Variants in TERF1 observed in about 807,000 individuals in gnomAD.
TERF1 encodes telomeric repeat binding factor 1.
A neutral mutation model predicts 55.1 loss-of-function variants in TERF1; 20 were observed. That is an observed-to-expected ratio of 0.36 (90% CI 0.26 to 0.53). The LOEUF (loss-of-function observed/expected upper bound fraction) is 0.53. Ranked by LOEUF, TERF1 falls within the 20% of genes least tolerant of loss-of-function variation. The pLI, the probability that TERF1 is intolerant of heterozygous loss-of-function variation, is 0.91. For missense variants in TERF1, 439 were observed against 535.7 expected (o/e 0.82, Z 1.78); for synonymous variants, 168 against 181.2 (o/e 0.93, Z 0.59).
At chr8:73,016,074 C>T (rs1808489003) in intron 2 of TERF1, among the ~76,000 whole-genome samples, 1 of 152,144 alleles carries the variant, frequency 6.6e-6, no homozygotes, top group African/African-American at 2.4e-5. Context: ...GCTATGATCA[C>T]ACCACTGCAC....
At chr8:73,043,716 AC>A (rs138756930) in intron 9 of TERF1, among the ~76,000 whole-genome samples, 7,717 of 152,154 alleles carry the variant, frequency 0.051, 593 homozygotes, top group African/African-American at 0.17. Flanking sequence ...GATTCAGAAA[AC>A]ATTGGTCATT....
rs948213073 is a variant in TERF1 at position 73,029,346 on chromosome 8, C to G, written c.888-990C>G. On this transcript the variant is annotated intron_variant, in intron 6 of 9. Transcript: ENST00000276603. ...TGTCTTACAAAAATGGTGTAATAGC[C>G]AGGAACAGTGGCTCACACCTGTAAT... 5.1e-4 allele frequency among the ~76,000 whole-genome samples: 78 copies of G among 152,094 alleles called. 1 individual carries two copies. The highest frequency in any genetic ancestry group is 2.1e-4 in the Non-Finnish European group (14 of 68,036).
At chr8:73,010,487 T>C (rs1808238037) in intron 1 of TERF1, 1 of 152,236 alleles carries the variant, frequency 6.6e-6, no homozygotes, top group Non-Finnish European at 1.5e-5. Context: ...TGCATATGCA[T>C]GTGTAGACAT....
intron 9 of TERF1, among the ~76,000 whole-genome samples, chr8:73,044,824 C>G (rs1182567346): frequency 4.6e-5 from 7 of 152,062 alleles, no homozygotes; most frequent in Non-Finnish European, 7.4e-5. Context: ...AACCTAATGT[C>G]CTCAAGGTTT....
At chr8:73,019,538 C>A (rs1197869362) in intron 2 of TERF1, among the ~76,000 whole-genome samples, 2 of 152,170 alleles carry the variant, frequency 1.3e-5, no homozygotes, top group African/African-American at 4.8e-5. Flanking sequence ...ACCGACCTTC[C>A]TCCTGCCCTT....
At chr8:73,045,775 A>G (rs1005902616) in intron 9 of TERF1, among the ~76,000 whole-genome samples, 186 bp from the exon 10 acceptor site, 6 of 152,240 alleles carry the variant, frequency 3.9e-5, no homozygotes, top group Non-Finnish European at 2.9e-5. Context: ...GAACAGTAAT[A>G]ATAATGACCC....
At chr8:73,033,153 G>A (rs1201777966) in intron 8 of TERF1, among the ~76,000 whole-genome samples, 1 of 151,914 alleles carries the variant, frequency 6.6e-6, no homozygotes, top group Non-Finnish European at 1.5e-5. Flanking sequence ...TAGGCCTGCA[G>A]TAAATATTAT....
intron 2 of TERF1, among the ~76,000 whole-genome samples, chr8:73,014,333 C>T (rs1456580666): frequency 6.6e-6 from 1 of 151,800 alleles, no homozygotes; most frequent in African/African-American, 2.4e-5. Context: ...ATATACATTT[C>T]TAATAAATTC....
Position 73,030,332 on chromosome 8 carries a change from A to G in TERF1, c.888-4A>G. On this transcript the variant is annotated splice_polypyrimidine_tract_variant and splice_region_variant and intron_variant, in intron 6 of 9. Transcript: ENST00000276603. ...ATTCTTACAAATTTTTTCTTCTTTTAAAGTGTTAGTGACAAACAGTCTGCG... is the reference window on the plus strand; with the variant it reads ...ATTCTTACAAATTTTTTCTTCTTTTGAAGTGTTAGTGACAAACAGTCTGCG... 2 of 1,541,694 alleles carry G rather than the reference A, an allele frequency of 1.3e-6. No individual in the cohort carries two copies. The highest frequency in any genetic ancestry group is 1.7e-6 in the Non-Finnish European group (2 of 1,152,966).
chr8:73,018,562 G>A (rs1808623497), intron 2 of TERF1, among the ~76,000 whole-genome samples: 1 of 152,154 alleles, frequency 6.6e-6, no homozygotes, highest in South Asian at 2.1e-4. Context: ...TGTAATCCCA[G>A]CTACTTGGGA....
At position 73,036,827 on chromosome 8, in the gene TERF1, AAT is replaced by A. The variant is rs1382241133; in HGVS notation, c.1040-2281_1040-2280del. Among the ~76,000 whole-genome samples the A allele has an allele frequency of 3.5e-5, 5 of 144,442 alleles. No individual in the cohort carries two copies. In the South Asian group the frequency reaches 1.1e-3, roughly 31 times the overall value. The allele number at this position is 144,442 out of a possible 152,430, so 94.8% of individuals were successfully genotyped here. A position where few individuals can be genotyped will look rare whatever the true frequency, so the allele number is the denominator to read the frequency against. ...ACTTTTATTATTGTAGTTATATATAAATATATATAATATATATTTATATATAA... is the reference window on the plus strand; with the variant it reads ...ACTTTTATTATTGTAGTTATATATAAATATATAATATATATTTATATATAA... On this transcript the variant is annotated intron_variant, in intron 8 of 9. Coordinates refer to ENST00000276603, the MANE Select transcript of TERF1 (RefSeq NM_017489.3).
Position 73,027,150 on chromosome 8 carries a change from G to T in TERF1, c.887+98G>T, listed in dbSNP as rs553395699. On this transcript the variant is annotated intron_variant, in intron 6 of 9. Transcript: ENST00000276603. ...TTTTATTAAAAATAATTATTGAGTA[G>T]CATGTTATCTTGCTGATGATTAACA... is the stretch of plus-strand genomic sequence containing the variant. 2.3e-4 allele frequency: 195 copies of T among 841,846 alleles called. 1 individual carries two copies. The South Asian group carries it at 2.5e-3, about 11-fold the overall frequency. 52.1% of individuals were successfully genotyped at this position (841,846 alleles called of 1,614,324 possible). A position where few individuals can be genotyped will look rare whatever the true frequency, so the allele number is the denominator to read the frequency against.
chr8:73,024,781 TTG>T (rs1808907361), intron 4 of TERF1, 39 bp from the exon 5 acceptor site: 3 of 1,416,628 alleles, frequency 2.1e-6, no homozygotes, highest in Non-Finnish European at 2.9e-6. Flanking sequence ...ATCTGTAACT[TTG>T]TGTGATTTAT....
intron 8 of TERF1, among the ~76,000 whole-genome samples, chr8:73,033,040 A>G (rs1254029830): frequency 8.3e-6 from 1 of 120,788 alleles, no homozygotes; most frequent in Non-Finnish European, 1.6e-5. Context: ...GATTTTTAAT[A>G]TGGATCTAAA....
chr8:73,045,035 T>C (rs1182681117), intron 9 of TERF1, among the ~76,000 whole-genome samples: 1 of 152,200 alleles, frequency 6.6e-6, no homozygotes, highest in South Asian at 2.1e-4. Flanking sequence ...CTTTTAGATA[T>C]GTACCCAGAA....
At chr8:73,010,903 T>G (rs1808254246) in intron 1 of TERF1, 1 of 152,022 alleles carries the variant, frequency 6.6e-6, no homozygotes, top group Non-Finnish European at 1.5e-5. Context: ...AGCTCTTGAG[T>G]GGTTAGGCGC....
chr8:73,017,661 A>G (rs188942526), intron 2 of TERF1, among the ~76,000 whole-genome samples: 116 of 151,904 alleles, frequency 7.6e-4, no homozygotes, highest in African/African-American at 2.6e-3. Flanking sequence ...ACTCTGCTTG[A>G]GAATTTAATC....
rs1295672839 is a variant in TERF1 at position 73,009,111 on chromosome 8, C to G, written c.225C>G (p.Ala75=). The G allele has an allele frequency of 6.2e-7, 1 of 1,610,052 alleles. No homozygotes were observed. The highest frequency in any genetic ancestry group is 2.2e-5 in the East Asian group (1 of 44,872). Residue 75 remains alanine (A), a synonymous_variant, in exon 1 of 10, where the codon GCC becomes GCG. Transcript: ENST00000276603. The stretch of plus-strand genomic sequence containing the variant: ...TGGCCGAGGCCGAGGCCGTGGCTGC[C>G]GGCTGGATGCTCGATTTCCTCTGCC... The part of the protein sequence containing the change: ...GLVAEAEAVA[A]GWMLDFLCLS...
intron 1 of TERF1, chr8:73,009,753 A>G: frequency 6.5e-6 from 1 of 153,374 alleles, no homozygotes; most frequent in South Asian, 2.0e-4. Context: ...CCCAAGAGGC[A>G]GAGGTTGCAG....
Sources: allele counts gnomAD v4.1 joint callset (sites outside exome capture counted in the v4.1 genomes callset), GRCh38; gene constraint gnomAD v4.1.1; transcripts MANE v1.5; gene names NCBI Gene and HGNC (gene_info 2026-07-23, HGNC 2026-07-21).